OSTF1: variants seen among roughly 807,000 people sequenced by gnomAD.
OSTF1 encodes osteoclast-stimulating factor 1.
A neutral mutation model predicts 37.2 loss-of-function variants in OSTF1; 27 were observed. That is an observed-to-expected ratio of 0.73 (90% CI 0.54 to 1.00). OSTF1 has a LOEUF of 1.00. OSTF1 is among the 50% of genes least tolerant of loss of function. The pLI is 0.00. For missense variants in OSTF1, 232 were observed against 253.8 expected (o/e 0.91, Z 0.58); for synonymous variants, 82 against 89.2 (o/e 0.92, Z 0.46).
chr9:75,111,287 A>G (rs971997990), intron 1 of OSTF1, among the ~76,000 whole-genome samples: 2 of 152,148 alleles, frequency 1.3e-5, no homozygotes, highest in Non-Finnish European at 2.9e-5. Flanking sequence ...ACCACTATGA[A>G]CAGGGATTCA....
At chr9:75,129,098 T>C (rs934978047) in intron 3 of OSTF1, among the ~76,000 whole-genome samples, 1 of 152,124 alleles carries the variant, frequency 6.6e-6, no homozygotes, top group East Asian at 1.9e-4. Flanking sequence ...CTGAAAGGAC[T>C]TGGGAACGAA....
chr9:75,124,523 G>A (rs189719026), intron 2 of OSTF1, among the ~76,000 whole-genome samples: 4 of 152,234 alleles, frequency 2.6e-5, no homozygotes, highest in Admixed American at 2.0e-4. Context: ...GAGAACATGC[G>A]ATGTTTGTTT....
At chr9:75,095,299 C>T (rs577641886) in intron 1 of OSTF1, among the ~76,000 whole-genome samples, 36 of 152,244 alleles carry the variant, frequency 2.4e-4, no homozygotes, top group African/African-American at 7.9e-4. Flanking sequence ...ATTTCCAAAT[C>T]GCTTTTCAAA....
chr9:75,092,174 T>A (rs1361379147), intron 1 of OSTF1, among the ~76,000 whole-genome samples: 1 of 152,256 alleles, frequency 6.6e-6, no homozygotes, highest in African/African-American at 2.4e-5. Context: ...TGCAGGCTAA[T>A]AGCATCTTTC....
chr9:75,132,067 G>A (rs972767905), intron 5 of OSTF1, among the ~76,000 whole-genome samples: 2 of 152,212 alleles, frequency 1.3e-5, no homozygotes, highest in African/African-American at 4.8e-5. Flanking sequence ...AAACACTGTT[G>A]TGGGGAGATG....
At chr9:75,120,783 C>G (rs1825568050) in intron 2 of OSTF1, among the ~76,000 whole-genome samples, 1 of 152,184 alleles carries the variant, frequency 6.6e-6, no homozygotes, top group South Asian at 2.1e-4. Flanking sequence ...AGCCCCTATT[C>G]CAGCCCCGCT....
In OSTF1 at chr9:75,102,080, C is replaced by T. The variant is rs138031083; in HGVS notation, c.34+13354C>T. 1.5e-4 allele frequency among the ~76,000 whole-genome samples: 23 copies of T among 152,348 alleles called. No homozygotes were observed. The East Asian group carries it at 4.2e-3, about 28-fold the overall frequency. On this transcript the variant is annotated intron_variant, in intron 1 of 9. Transcript: ENST00000346234. ...CTGGGCTCAAGCTGTCCTCCTGCCT[C>T]AGCTTCCCAAGTAGCGCACATTACT... is the stretch of plus-strand genomic sequence containing the variant.
intron 1 of OSTF1, among the ~76,000 whole-genome samples, chr9:75,112,121 C>CTTT (rs35036131): frequency 7.0e-6 from 1 of 143,128 alleles, no homozygotes; most frequent in South Asian, 2.2e-4. Context: ...CAGCCTACTG[C>CTTT]TTTTTTTTTT....
intron 1 of OSTF1, among the ~76,000 whole-genome samples, chr9:75,094,303 A>T (rs528280675): frequency 2.6e-5 from 4 of 152,260 alleles, no homozygotes; most frequent in African/African-American, 9.6e-5. Flanking sequence ...ATTTCTTTGT[A>T]ACTGCACAGC....
At chr9:75,101,191 C>T (rs369615613) in intron 1 of OSTF1, among the ~76,000 whole-genome samples, 1 of 152,180 alleles carries the variant, frequency 6.6e-6, no homozygotes, top group Non-Finnish European at 1.5e-5. Flanking sequence ...GGCTCACCAC[C>T]TGGGCTGTCT....
intron 1 of OSTF1, among the ~76,000 whole-genome samples, chr9:75,109,907 TA>T (rs1353578760): frequency 1.3e-5 from 2 of 152,340 alleles, no homozygotes; most frequent in South Asian, 2.1e-4. Flanking sequence ...ATTAATAGAC[TA>T]TTTTTTTTAG....
In OSTF1 at chr9:75,130,659, GT is replaced by G; in HGVS notation, c.196+22del. 6.3e-7 allele frequency: 1 copy of G among 1,580,048 alleles called. No individual in the cohort carries two copies. Among genetic ancestry groups the G allele is most frequent in the Non-Finnish European group, 8.7e-7 (1 of 1,149,198 alleles). ...CAACTATGGTAAGTGTTGCTGAGTG[GT>G]TTTACTTTAGCTTCGTTCACTTGGA... On this transcript the variant is annotated intron_variant, in intron 4 of 9. Coordinates refer to ENST00000346234, the MANE Select transcript of OSTF1 (RefSeq NM_012383.5).
At chr9:75,118,127 CA>C (rs1825521595) in intron 2 of OSTF1, among the ~76,000 whole-genome samples, 1 of 152,118 alleles carries the variant, frequency 6.6e-6, no homozygotes, top group South Asian at 2.1e-4. Context: ...GAGTAACAGA[CA>C]AATGAATGTG....
At chr9:75,096,760 A>G (rs879472204) in intron 1 of OSTF1, among the ~76,000 whole-genome samples, 1 of 152,162 alleles carries the variant, frequency 6.6e-6, no homozygotes, top group Non-Finnish European at 1.5e-5. Context: ...ACGCTTCCAA[A>G]CTTTAGCTCG....
chr9:75,137,730 T>TA, intron 8 of OSTF1, 114 bp downstream of exon 8: 1 of 693,944 alleles, frequency 1.4e-6, no homozygotes, highest in Non-Finnish European at 2.6e-6. Flanking sequence ...AAATAGGGTT[T>TA]AACCTTTGCT....
chr9:75,124,904 T>C (rs1825637516), intron 2 of OSTF1, among the ~76,000 whole-genome samples: 1 of 152,200 alleles, frequency 6.6e-6, no homozygotes, highest in East Asian at 1.9e-4. Flanking sequence ...TCTTCACTTC[T>C]TGAAAGTACT....
At chr9:75,097,434 TC>T (rs1825106759) in intron 1 of OSTF1, among the ~76,000 whole-genome samples, 1 of 151,968 alleles carries the variant, frequency 6.6e-6, no homozygotes, top group East Asian at 1.9e-4. Flanking sequence ...AACTCTAAGC[TC>T]CCCAACCAAT....
intron 1 of OSTF1, among the ~76,000 whole-genome samples, chr9:75,092,274 G>T (rs1459927293): frequency 1.3e-5 from 2 of 152,204 alleles, no homozygotes; most frequent in African/African-American, 2.4e-5. Context: ...GGAGACCCTG[G>T]CCATTTTTGT....
chr9:75,141,093 G>A (rs1825935729), intron 9 of OSTF1, among the ~76,000 whole-genome samples, 161 bp downstream of exon 9: 1 of 152,068 alleles, frequency 6.6e-6, no homozygotes, highest in South Asian at 2.1e-4. Context: ...GAGCCCAGGA[G>A]TTGGAGACCA....
Sources: allele counts gnomAD v4.1 joint callset (sites outside exome capture counted in the v4.1 genomes callset), GRCh38; gene constraint gnomAD v4.1.1; transcripts MANE v1.5; gene names NCBI Gene and HGNC (gene_info 2026-07-23, HGNC 2026-07-21).